Variants in TTC3 observed in about 807,000 individuals in gnomAD.
The protein encoded by TTC3 is E3 ubiquitin-protein ligase TTC3.
Under a neutral mutation model 249.6 loss-of-function variants are expected in TTC3, and 180 were observed. That is an observed-to-expected ratio of 0.72 (90% confidence interval 0.64 to 0.82). The LOEUF is 0.82. Among genes scored for constraint, TTC3 ranks in the 40% least tolerant of loss-of-function variants. The pLI, the probability that TTC3 is intolerant of heterozygous loss-of-function variation, is 0.00. For missense variants in TTC3, 2,061 were observed against 2,398.4 expected, an observed-to-expected ratio of 0.86 and a Z score of 2.94; for synonymous variants, 717 against 805.0, an observed-to-expected ratio of 0.89 and a Z score of 1.85.
chr21:37,118,112 G>T (rs902434106), intron 11 of TTC3, among the ~76,000 whole-genome samples: 2 of 93,722 alleles, frequency 2.1e-5, no homozygotes, highest in African/African-American at 9.5e-5. Context: ...ACATAACTAG[G>T]TTATTTTTCT....
intron 16 of TTC3, 23 bp downstream of exon 16, chr21:37,129,086 GT>G (rs746165644): frequency 8.4e-6 from 13 of 1,541,778 alleles, no homozygotes; most frequent in East Asian, 2.4e-5. Context: ...TCTAAGGTAT[GT>G]TTTTTTCCCC....
chr21:37,114,660 G>A (rs928307855), intron 11 of TTC3, among the ~76,000 whole-genome samples: 1 of 152,106 alleles, frequency 6.6e-6, no homozygotes, highest in African/African-American at 2.4e-5. Context: ...AATACCATTT[G>A]ACCCAGCCAT....
Position 37,197,697 on chromosome 21 carries a change from G to T in TTC3, c.5706+1G>T. The T allele has an allele frequency of 6.2e-7, 1 of 1,601,918 alleles. No homozygotes were observed. The highest frequency in any genetic ancestry group is 8.5e-7 in the Non-Finnish European group (1 of 1,175,596). Reference sequence around the variant, plus strand: ...TCTAGATGAACAGAAAAAGAAAAAGGTATTTTATCTAGATGTTCCAGTTTA... The same window carrying T: ...TCTAGATGAACAGAAAAAGAAAAAGTTATTTTATCTAGATGTTCCAGTTTA... On this transcript the variant is annotated splice_donor_variant, in intron 43 of 45. Transcript: ENST00000355666. LOFTEE classifies it high-confidence loss of function.
intron 7 of TTC3, among the ~76,000 whole-genome samples, chr21:37,093,767 G>C (rs1405754762): frequency 6.6e-6 from 1 of 152,096 alleles, no homozygotes; most frequent in Non-Finnish European, 1.5e-5. Context: ...AATAAAAGGT[G>C]AGATTAGATT....
At chr21:37,160,551 C>A (rs565087623) in intron 29 of TTC3, among the ~76,000 whole-genome samples, 1 of 152,080 alleles carries the variant, frequency 6.6e-6, no homozygotes, top group Non-Finnish European at 1.5e-5. Context: ...AAATAACAGT[C>A]CAACCCTGTG....
chr21:37,076,694 A>ATTTTTTTTTTTTTTTTTTTTTTT (rs61629167), intron 1 of TTC3, among the ~76,000 whole-genome samples: 1 of 94,994 alleles, frequency 1.1e-5, no homozygotes, highest in African/African-American at 4.7e-5. Context: ...AAACAAAGGG[A>ATTTTTTTTTTTTTTTTTTTTTTT]TTTTTTTTTT....
At chr21:37,122,419 A>AATATAT (rs980094706) in intron 12 of TTC3, among the ~76,000 whole-genome samples, 4 of 38,028 alleles carry the variant, frequency 1.1e-4, no homozygotes, top group African/African-American at 2.8e-4. Context: ...ATATATATAT[A>AATATAT]ATATATATAT....
chr21:37,197,601 C>T lies in TTC3; in HGVS notation c.5611C>T (p.Arg1871Ter), dbSNP rs1479152815. 7 of 1,611,550 alleles carry T rather than the reference C, an allele frequency of 4.3e-6. No individual in the cohort carries two copies. Among genetic ancestry groups the T allele is most frequent in the African/African-American group, 2.7e-5 (2 of 74,762 alleles). ...GCTTGCTGGTTTTATTAAAAAAGTG[C>T]GAAGCAAAAACAAGAACTCACTCTC... Residue 1871 changes from arginine (R) to a stop codon, truncating the protein, a stop_gained, in exon 43 of 46, where the codon CGA (arginine) becomes TGA (stop). Coordinates refer to ENST00000355666, the Ensembl canonical transcript of TTC3. LOFTEE classifies it high-confidence loss of function.
chr21:37,116,549 C>T (rs1471637047), intron 11 of TTC3, among the ~76,000 whole-genome samples: 1 of 151,974 alleles, frequency 6.6e-6, no homozygotes, highest in African/African-American at 2.4e-5. Context: ...TGGCTCACAC[C>T]TGTAATCCTA....
intron 26 of TTC3, 38 bp downstream of exon 26, chr21:37,152,067 T>G: frequency 6.6e-7 from 1 of 1,515,592 alleles, no homozygotes; most frequent in Non-Finnish European, 8.8e-7. Flanking sequence ...AATAATATAC[T>G]CTCATTTAAA....
chr21:37,120,984 C>T (rs1035337615), intron 11 of TTC3, among the ~76,000 whole-genome samples: 3 of 152,134 alleles, frequency 2.0e-5, no homozygotes, highest in Admixed American at 6.5e-5. Flanking sequence ...AGCCTCTAGC[C>T]TCTTTCACTA....
chr21:37,192,189 G>C, exon 41 of TTC3: 6 of 1,605,816 alleles, frequency 3.7e-6, no homozygotes, highest in Non-Finnish European at 5.1e-6. Flanking sequence ...AGATTTCTGA[G>C]CTTTCATTTC....
In TTC3 at chr21:37,194,275, T is replaced by G. The variant is rs548534484; in HGVS notation, c.5218-1400T>G. ...CAGTTAGAAAATACTCAATGGAAAATTCCAGAAATACATAATTCCTAAGTT... is the reference window on the plus strand; with the variant it reads ...CAGTTAGAAAATACTCAATGGAAAAGTCCAGAAATACATAATTCCTAAGTT... On this transcript the variant is annotated intron_variant, in intron 41 of 45. Coordinates refer to ENST00000355666, the Ensembl canonical transcript of TTC3. Among the ~76,000 whole-genome samples, 166 of 152,276 alleles carry G rather than the reference T, an allele frequency of 1.1e-3. 1 individual carries two copies. Among genetic ancestry groups the G allele is most frequent in the African/African-American group, 3.6e-3 (150 of 41,536 alleles).
intron 39 of TTC3, among the ~76,000 whole-genome samples, chr21:37,190,573 C>T (rs925151327): frequency 1.3e-5 from 2 of 152,170 alleles, no homozygotes; most frequent in African/African-American, 4.8e-5. Context: ...AAGCACCCAC[C>T]ATAGGCTGCA....
chr21:37,201,444 T>G (rs1306012725), exon 46 of TTC3: 18 of 1,613,814 alleles, frequency 1.1e-5, no homozygotes, highest in Non-Finnish European at 1.5e-5. Context: ...TTTCAGTGCT[T>G]TAAGCAGTGG....
At chr21:37,109,297 A>T (rs910508063) in intron 11 of TTC3, among the ~76,000 whole-genome samples, 2 of 152,158 alleles carry the variant, frequency 1.3e-5, no homozygotes, top group African/African-American at 4.8e-5. Context: ...GGGGTCAGGG[A>T]ATTCCCTTTC....
intron 39 of TTC3, among the ~76,000 whole-genome samples, chr21:37,190,224 C>T (rs1160165611): frequency 6.8e-6 from 1 of 146,984 alleles, no homozygotes; most frequent in Non-Finnish European, 1.5e-5. Context: ...TCACTGCAAC[C>T]TCCGCCTCCT....
intron 17 of TTC3, among the ~76,000 whole-genome samples, chr21:37,133,718 A>G (rs950628600): frequency 2.0e-5 from 3 of 152,174 alleles, no homozygotes; most frequent in South Asian, 2.1e-4. Flanking sequence ...GTGACTTCCA[A>G]TGAAAGCATG....
chr21:37,161,729 G>C (rs1421213222), intron 30 of TTC3, among the ~76,000 whole-genome samples: 1 of 152,170 alleles, frequency 6.6e-6, no homozygotes, highest in African/African-American at 2.4e-5. Context: ...ATTTAGTTTA[G>C]ATAAAATGGG....
Sources: gnomAD v4.1 joint callset for allele counts (sites outside exome capture counted in the v4.1 genomes callset) on GRCh38, gnomAD v4.1.1 for gene constraint, MANE v1.5 for transcripts, NCBI Gene and HGNC (gene_info 2026-07-23, HGNC 2026-07-21) for gene names.